Variants in SLC36A3 observed in about 807,000 individuals in gnomAD.
SLC36A3 encodes proton-coupled amino acid transporter 3.
In SLC36A3, 35 loss-of-function variants were observed where a neutral mutation model predicts 44.3. That is an observed-to-expected ratio of 0.79 (90% CI 0.60 to 1.05). The LOEUF is 1.05. Among genes scored for constraint, SLC36A3 ranks in the 50% least tolerant of loss-of-function variants. SLC36A3 has a pLI of 0.00. For missense variants in SLC36A3, 540 were observed against 578.7 expected, an observed-to-expected ratio of 0.93 and a Z score of 0.69; for synonymous variants, 211 against 227.6, an observed-to-expected ratio of 0.93 and a Z score of 0.66.
At chr5:151,299,373 A>ATATATATATATATATATATAT (rs1561640961) in intron 1 of SLC36A3, among the ~76,000 whole-genome samples, 2 of 38,834 alleles carry the variant, frequency 5.2e-5, no homozygotes, top group Non-Finnish European at 7.9e-5. Context: ...GAGCATGGTG[A>ATATATATATATATATATATAT]TATATATATA....
chr5:151,277,943 G>A (rs749329468), intron 9 of SLC36A3, among the ~76,000 whole-genome samples: 7 of 152,116 alleles, frequency 4.6e-5, no homozygotes, highest in Non-Finnish European at 1.0e-4. Context: ...TGTAGAGATG[G>A]GGAAATCTAG....
At position 151,293,552 on chromosome 5, in the gene SLC36A3, G is replaced by A. The variant is rs779636754; in HGVS notation, c.309-93C>T. The A allele has an allele frequency of 4.9e-6, 5 of 1,023,476 alleles. No individual in the cohort carries two copies. The Middle Eastern group carries it at 6.3e-4, about 129-fold the overall frequency. The allele number at this position is 1,023,476 out of a possible 1,614,324, so 63.4% of individuals were successfully genotyped here. Reference sequence around the variant, plus strand: ...GTGAGTGATTTTTATGTATTTGTGTGTGAGCATGAAGCCTTCTGTCAATTT... The same window carrying A: ...GTGAGTGATTTTTATGTATTTGTGTATGAGCATGAAGCCTTCTGTCAATTT... On this transcript the variant is annotated intron_variant, in intron 3 of 9. Transcript: ENST00000335230.
At position 151,303,753 on chromosome 5, in the gene SLC36A3, G is replaced by A. The variant is rs141266156; in HGVS notation, c.-399C>T. ...GGATTGGAGGTCCTGGTGCCTGGAC[G>A]TGGGGCCAGGCTCAGTGCTTGTCTG... On this transcript the variant is annotated 5_prime_UTR_variant, in exon 1 of 10. The change creates a new upstream start codon in the 5' untranslated region. Transcript: ENST00000335230. The A allele has an allele frequency of 3.2e-4, 52 of 164,172 alleles. No individual in the cohort carries two copies. The East Asian group carries it at 7.3e-3, about 23-fold the overall frequency. The allele number at this position is 164,172 out of a possible 1,614,324, so 10.2% of individuals were successfully genotyped here.
At position 151,284,671 on chromosome 5, in the gene SLC36A3, C is replaced by G; in HGVS notation, c.749G>C (p.Trp250Ser). The change falls in exon 7 of 10, where the codon TGG becomes TCG. Residue 250 changes from tryptophan (W) to serine (S), a missense_variant. Trp to Ser is a radical substitution (Grantham distance 177, BLOSUM62 -3). Transcript: ENST00000335230. ...ACCAAAGAACAGCAAGAAGGTCTTC[C>G]AGTTTGCCATCAAGGGTAGGTTGCT... ...YPSNLPLMANWKTFLLFFGTA... is the reference protein window; with the variant it reads ...YPSNLPLMANSKTFLLFFGTA... The G allele has an allele frequency of 6.2e-7, 1 of 1,613,456 alleles. No homozygotes were observed. The highest frequency in any genetic ancestry group is 8.5e-7 in the Non-Finnish European group (1 of 1,179,584).
chr5:151,295,726 T>C (rs1306594476), intron 3 of SLC36A3, among the ~76,000 whole-genome samples: 1 of 152,204 alleles, frequency 6.6e-6, no homozygotes, highest in Admixed American at 6.5e-5. Flanking sequence ...CTGAAATCAT[T>C]GTGAAGACTT....
Position 151,287,471 on chromosome 5 carries a change from T to TA in SLC36A3, c.490-8dup. The TA allele has an allele frequency of 6.2e-7, 1 of 1,613,322 alleles. No homozygotes were observed. The highest frequency in any genetic ancestry group is 8.5e-7 in the Non-Finnish European group (1 of 1,179,430). ...CGTGGGCTTTTTCCACCATCTGACA[T>TA]AAAGCACAATGACAGGCAGTGTGGT... On this transcript the variant is annotated splice_polypyrimidine_tract_variant and splice_region_variant and intron_variant, in intron 5 of 9. Transcript: ENST00000335230.
chr5:151,286,649 T>C (rs1252415118), intron 6 of SLC36A3, among the ~76,000 whole-genome samples: 2 of 152,184 alleles, frequency 1.3e-5, no homozygotes, highest in Admixed American at 6.5e-5. Flanking sequence ...GTTGTATATT[T>C]TTAGTGTTTT....
chr5:151,287,194 C>T, intron 6 of SLC36A3, 52 bp downstream of exon 6: 1 of 1,580,526 alleles, frequency 6.3e-7, no homozygotes, highest in Non-Finnish European at 8.7e-7. Context: ...CCCTCCTCCC[C>T]AGGTGTTTCA....
chr5:151,277,639 G>C lies in SLC36A3; in HGVS notation c.1167C>G (p.Pro389=). ...CCAGGGAGATGACCAAGTCCAGGCG[G>C]GGGATGAGGATGGCTGAGACACCTG... ...CLTCVSAILI[P]RLDLVISLVG... is the part of the protein sequence containing the mutation. The change falls in exon 10 of 10, where the codon CCC becomes CCG. Residue 389 remains proline, a synonymous_variant. Coordinates refer to ENST00000335230, the MANE Select transcript of SLC36A3 (RefSeq NM_181774.4). 1 of 1,614,104 alleles carries C rather than the reference G, an allele frequency of 6.2e-7. No homozygotes were observed. Among genetic ancestry groups the C allele is most frequent in the Non-Finnish European group, 8.5e-7 (1 of 1,180,002 alleles).
rs568428519 is a variant in SLC36A3 at position 151,281,169 on chromosome 5, A to T, written c.989T>A (p.Val330Asp). The change falls in exon 9 of 10, where the codon GTC (valine) becomes GAC (aspartate). Residue 330 changes from valine (V) to aspartate (D), a missense_variant. Transcript: ENST00000335230. ...NLPNCWLYQS[V>D]KLMYSIGIFF... is the part of the protein sequence containing the mutation. Reference sequence around the variant, plus strand: ...GATGCCGATAGAGTACATCAGCTTGACTGACTGGTACAACCTGCAGACACA... The same window carrying T: ...GATGCCGATAGAGTACATCAGCTTGTCTGACTGGTACAACCTGCAGACACA... 1.2e-6 allele frequency: 2 copies of T among 1,610,532 alleles called. No homozygotes were observed. The highest frequency in any genetic ancestry group is 2.2e-5 in the South Asian group (2 of 90,328).
At chr5:151,281,543 C>T (rs1323452282) in intron 8 of SLC36A3, among the ~76,000 whole-genome samples, 6 of 152,050 alleles carry the variant, frequency 3.9e-5, no homozygotes, top group South Asian at 4.1e-4. Flanking sequence ...AATAGCCGGG[C>T]GTGGTGGCTC....
chr5:151,284,315 C>G, intron 7 of SLC36A3, 105 bp from the exon 8 acceptor site: 1 of 1,194,006 alleles, frequency 8.4e-7, no homozygotes. Flanking sequence ...CCCAGGTGGG[C>G]CCAGTATCAG....
intron 1 of SLC36A3, among the ~76,000 whole-genome samples, chr5:151,302,129 T>C (rs760587488): frequency 4.6e-5 from 7 of 152,256 alleles, no homozygotes; most frequent in African/African-American, 1.7e-4. Flanking sequence ...CAGTTTTGTG[T>C]GTGTGCACGA....
chr5:151,289,786 A>G (rs1354956339), intron 4 of SLC36A3, among the ~76,000 whole-genome samples: 2 of 152,104 alleles, frequency 1.3e-5, no homozygotes, highest in East Asian at 1.9e-4. Context: ...TTGTACCTCT[A>G]TTTCATCATA....
In SLC36A3 at chr5:151,276,682, G is replaced by A. The variant is rs1754103040; in HGVS notation, c.*711C>T. ...CTACAAGATGTTTATCAAACTGATT[G>A]TACTACTTTCTATCCACATAGCAGG... is the stretch of plus-strand genomic sequence containing the variant. On this transcript the variant is annotated 3_prime_UTR_variant, in exon 10 of 10. Coordinates refer to ENST00000335230, the MANE Select transcript of SLC36A3 (RefSeq NM_181774.4). 1 of 152,202 alleles carries A rather than the reference G, an allele frequency of 6.6e-6. No homozygotes were observed. The highest frequency in any genetic ancestry group is 6.5e-5 in the Admixed American group (1 of 15,284). The allele number at this position is 152,202 out of a possible 1,614,324, so 9.4% of individuals were successfully genotyped here.
At chr5:151,303,145 A>C in intron 1 of SLC36A3, 82 bp downstream of exon 1, 1 of 1,497,474 alleles carries the variant, frequency 6.7e-7, no homozygotes, top group Non-Finnish European at 9.0e-7. Context: ...TGTTAAGGAG[A>C]TAGATGAAGG....
intron 9 of SLC36A3, among the ~76,000 whole-genome samples, chr5:151,279,841 A>G (rs772951972): frequency 3.3e-5 from 5 of 152,170 alleles, no homozygotes; most frequent in Non-Finnish European, 7.3e-5. Flanking sequence ...GATTCCTTCA[A>G]TGACTTTAAA....
chr5:151,288,735 G>A (rs982316970), intron 4 of SLC36A3, among the ~76,000 whole-genome samples: 4 of 150,840 alleles, frequency 2.7e-5, no homozygotes, highest in South Asian at 4.2e-4. Flanking sequence ...ATATATAGAC[G>A]AATGAATATT....
chr5:151,288,271 G>A, intron 5 of SLC36A3, 115 bp downstream of exon 5: 1 of 672,848 alleles, frequency 1.5e-6, no homozygotes, highest in Admixed American at 3.5e-5. Flanking sequence ...GTCTGATCTA[G>A]GAGTAGAAAT....
Sources: allele counts gnomAD v4.1 joint callset (sites outside exome capture counted in the v4.1 genomes callset), GRCh38; gene constraint gnomAD v4.1.1; transcripts MANE v1.5; gene names NCBI Gene and HGNC (gene_info 2026-07-23, HGNC 2026-07-21).